The following ADD1 variants were observed in gnomAD, a reference collection of about 807,000 sequenced individuals.
ADD1 encodes adducin 1.
ADD1 carries 24 observed loss-of-function variants against 80.5 expected under a neutral mutation model. The ratio of observed to expected loss-of-function variants is 0.30; its 90% CI spans 0.22 to 0.42. The LOEUF is 0.42. ADD1 is among the 10% of genes least tolerant of loss of function. ADD1 has a pLI of 1.00. For missense variants in ADD1, 948 were observed against 1,019.0 expected (o/e 0.93, Z 0.95); for synonymous variants, 373 against 393.8 (o/e 0.95, Z 0.63).
At chr4:2,915,540 C>T (rs1738853868) in intron 14 of ADD1, among the ~76,000 whole-genome samples, 1 of 152,160 alleles carries the variant, frequency 6.6e-6, no homozygotes. Flanking sequence ...ACTTGGGAGG[C>T]TGAGGCAGGA....
At chr4:2,883,216 G>C (rs1257622907) in intron 3 of ADD1, among the ~76,000 whole-genome samples, 1 of 151,976 alleles carries the variant, frequency 6.6e-6, no homozygotes, top group East Asian at 1.9e-4. Context: ...CTTCCCTTCA[G>C]TTCTTTTGGT....
At chr4:2,877,199 G>C (rs1291609580) in intron 2 of ADD1, among the ~76,000 whole-genome samples, 1 of 152,022 alleles carries the variant, frequency 6.6e-6, no homozygotes, top group African/African-American at 2.4e-5. Context: ...TGCTGCCTTT[G>C]TGTGTGCATC....
intron 4 of ADD1, among the ~76,000 whole-genome samples, chr4:2,893,190 A>G (rs1193006348): frequency 2.0e-5 from 3 of 151,950 alleles, no homozygotes; most frequent in African/African-American, 4.8e-5. Context: ...TCGCCTCCCA[A>G]AGTGCTGGGA....
chr4:2,898,689 C>G (rs1735673107), intron 8 of ADD1, 158 bp downstream of exon 8: 2 of 656,542 alleles, frequency 3.0e-6, no homozygotes, highest in Admixed American at 2.8e-5. Flanking sequence ...AGGACAAATG[C>G]TGTTTCACTG....
In ADD1 at chr4:2,845,577, G is replaced by C. The variant is rs78188509; in HGVS notation, c.-21+1553G>C. Among the ~76,000 whole-genome samples, 574 of 152,250 alleles carry C rather than the reference G, an allele frequency of 3.8e-3. 6 individuals are homozygous for C. The highest frequency in any genetic ancestry group is 0.013 in the African/African-American group (550 of 41,540). On this transcript the variant is annotated intron_variant, in intron 1 of 15. Transcript: ENST00000683351. ...GGTTTTAAAGTTTCGGAGAGTCGCTGAGTGATGTGAGTCTAAACTCTAGCC... is the reference window on the plus strand; with the variant it reads ...GGTTTTAAAGTTTCGGAGAGTCGCTCAGTGATGTGAGTCTAAACTCTAGCC...
intron 4 of ADD1, 128 bp downstream of exon 4, chr4:2,884,794 T>A (rs1732975331): frequency 1.8e-6 from 2 of 1,121,748 alleles, no homozygotes; most frequent in Admixed American, 5.3e-5. Context: ...CTCTTCTGAT[T>A]CCTGACTACA....
rs757890985 is a variant in ADD1, at chr4:2,894,648, G to A, written c.658G>A (p.Gly220Ser). Reference sequence around the variant, plus strand: ...CACTAATCTGGGAGTGAATCAGGCCGGCTTCACCTTACACTCTGCAATTTA... The same window carrying A: ...CACTAATCTGGGAGTGAATCAGGCCAGCTTCACCTTACACTCTGCAATTTA... ...GSTNLGVNQA[G>S]FTLHSAIYAA... is the part of the protein sequence containing the mutation. Residue 220 changes from glycine to serine, a missense_variant, in exon 6 of 16, where the codon GGC becomes AGC. Gly to Ser is a moderately conservative substitution (Grantham distance 56). Coordinates refer to ENST00000683351, the MANE Select transcript of ADD1 (RefSeq NM_001354761.2). The A allele has an allele frequency of 6.0e-5, 96 of 1,610,412 alleles. 2 individuals carry two copies. The South Asian group carries it at 8.0e-4, about 13-fold the overall frequency.
chr4:2,904,814 T>G lies in ADD1; in HGVS notation c.1212T>G (p.Ser404=). The change falls in exon 10 of 16, where the codon TCT becomes TCG. Residue 404 remains serine (S), a synonymous_variant. Coordinates refer to ENST00000683351, the MANE Select transcript of ADD1 (RefSeq NM_001354761.2). ...GATACCCTGCTCTGAGAGAGAAGTC[T>G]AAAAAATACAGCGATGTGGAGGTTC... is the stretch of plus-strand genomic sequence containing the variant. ...PYRYPALREK[S]KKYSDVEVPA... 1.9e-6 allele frequency: 3 copies of G among 1,614,196 alleles called. No homozygotes were observed. Among genetic ancestry groups the G allele is most frequent in the Non-Finnish European group, 1.7e-6 (2 of 1,180,040 alleles).
Position 2,861,472 on chromosome 4 carries a change from G to A in ADD1, c.-20-14424G>A, listed in dbSNP as rs1254722867. Among the ~76,000 whole-genome samples, 3 of 152,210 alleles carry A rather than the reference G, an allele frequency of 2.0e-5. 1 individual carries two copies. Among genetic ancestry groups the A allele is most frequent in the Non-Finnish European group, 4.4e-5 (3 of 68,040 alleles). The stretch of plus-strand genomic sequence containing the variant: ...ACAGAGAGACAAGACTAGAGATTAA[G>A]AGTCTTATTTTGAATAAGTTAGGTT... On this transcript the variant is annotated intron_variant, in intron 1 of 15. Transcript: ENST00000683351.
intron 1 of ADD1, among the ~76,000 whole-genome samples, chr4:2,855,248 TAA>T (rs1220706953): frequency 1.3e-5 from 2 of 152,242 alleles, no homozygotes; most frequent in Non-Finnish European, 2.9e-5. Flanking sequence ...CTCAGCTTAC[TAA>T]AAGAGTGTCT....
chr4:2,849,757 A>G (rs939941351), intron 1 of ADD1, among the ~76,000 whole-genome samples: 1 of 152,212 alleles, frequency 6.6e-6, no homozygotes, highest in Non-Finnish European at 1.5e-5. Flanking sequence ...CTTGAAATTT[A>G]TTTCACAGGA....
At chr4:2,906,234 G>GAC (rs1737039567) in intron 10 of ADD1, among the ~76,000 whole-genome samples, 1 of 152,182 alleles carries the variant, frequency 6.6e-6, no homozygotes, top group Admixed American at 6.5e-5. Flanking sequence ...CCTGGGCAGG[G>GAC]ACCCTGTGTG....
chr4:2,916,547 ATTATACT>A (rs1739113958), intron 14 of ADD1, among the ~76,000 whole-genome samples: 1 of 151,864 alleles, frequency 6.6e-6, no homozygotes, highest in Non-Finnish European at 1.5e-5. Context: ...TTTTAAATTA[ATTATACT>A]TTAAGTTTTG....
intron 14 of ADD1, among the ~76,000 whole-genome samples, chr4:2,922,650 A>G (rs1740252049): frequency 1.3e-5 from 2 of 152,362 alleles, no homozygotes; most frequent in South Asian, 4.1e-4. Context: ...TCTGTCCCTC[A>G]GCAGAGCTTG....
Position 2,867,102 on chromosome 4 carries a change from A to C in ADD1, c.-20-8794A>C, listed in dbSNP as rs1315757847. On this transcript the variant is annotated intron_variant, in intron 1 of 15. Transcript: ENST00000683351. ...AAAGAAAGAAGGAAAACCCACAAAA[A>C]CACTGAGTCAGTCTTGATCTGCACA... 2.0e-5 allele frequency among the ~76,000 whole-genome samples: 3 copies of C among 151,992 alleles called. No homozygotes were observed. In the East Asian group the frequency reaches 5.8e-4, roughly 29 times the overall value.
At chr4:2,897,091 G>T (rs1735372773) in intron 6 of ADD1, among the ~76,000 whole-genome samples, 1 of 152,112 alleles carries the variant, frequency 6.6e-6, no homozygotes, top group Admixed American at 6.6e-5. Flanking sequence ...ATTTTGCTTG[G>T]TAAGGAAATT....
Position 2,926,454 on chromosome 4 carries a change from C to A in ADD1, c.2047+342C>A. On this transcript the variant is annotated intron_variant, in intron 15 of 15. Coordinates refer to ENST00000683351, the MANE Select transcript of ADD1 (RefSeq NM_001354761.2). This position sits in a 1 kb window ranked among gnomAD's most constrained non-coding sequence, Gnocchi z 5.0. ...TGCCCTCCGCTGTGTGAGCCACACG[C>A]CGGCTGCCTCTCAGCCACCGTGTGT... 1.4e-6 allele frequency: 1 copy of A among 701,238 alleles called. No homozygotes were observed. The highest frequency in any genetic ancestry group is 2.5e-6 in the Non-Finnish European group (1 of 392,844). The allele number at this position is 701,238 out of a possible 1,614,324, so 43.4% of individuals were successfully genotyped here.
chr4:2,880,007 C>T (rs967481364), intron 2 of ADD1, among the ~76,000 whole-genome samples: 11 of 152,188 alleles, frequency 7.2e-5, no homozygotes, highest in Admixed American at 2.0e-4. Flanking sequence ...GAAGCCACTG[C>T]GCCTGCCCTA....
At chr4:2,860,003 G>A (rs186600749) in intron 1 of ADD1, among the ~76,000 whole-genome samples, 1 of 150,824 alleles carries the variant, frequency 6.6e-6, no homozygotes, top group East Asian at 1.9e-4. Flanking sequence ...ATTATAGAGT[G>A]TTGGTTTTTT....
Sources: gnomAD v4.1 joint callset for allele counts (sites outside exome capture counted in the v4.1 genomes callset) on GRCh38, gnomAD v4.1.1 for gene constraint, Gnocchi (gnomAD v3.1) non-coding constraint, MANE v1.5 for transcripts, NCBI Gene and HGNC (gene_info 2026-07-23, HGNC 2026-07-21) for gene names.